Variants in PACSIN2 observed in about 807,000 individuals in gnomAD.
PACSIN2 encodes protein kinase C and casein kinase substrate in neurons 2.
Under a neutral mutation model 63.8 loss-of-function variants are expected in PACSIN2, and 25 were observed. That is an observed-to-expected ratio of 0.39 (90% CI 0.29 to 0.55). The LOEUF is 0.55. PACSIN2 is among the 20% of genes least tolerant of loss of function. The probability of loss-of-function intolerance (pLI) is 0.62; values close to 1 mark genes in which losing one functional copy is unlikely to be tolerated. For synonymous variants in PACSIN2, 255 were observed against 256.2 expected (o/e 1.00, Z 0.05); for missense variants, 518 against 646.9 (o/e 0.80, Z 2.16).
chr22:42,906,494 G>A (rs1931083157), intron 2 of PACSIN2, among the ~76,000 whole-genome samples: 1 of 152,232 alleles, frequency 6.6e-6, no homozygotes, highest in Non-Finnish European at 1.5e-5. Context: ...GACAAAGGCA[G>A]CCCACACGTC....
At chr22:42,970,578 T>C (rs1038960931) in intron 1 of PACSIN2, among the ~76,000 whole-genome samples, 3 of 152,200 alleles carry the variant, frequency 2.0e-5, no homozygotes, top group African/African-American at 7.2e-5. Flanking sequence ...ATAGAATTCT[T>C]GTAAAATAAA....
chr22:42,884,861 C>T lies in PACSIN2; in HGVS notation c.610-300G>A, dbSNP rs116634802. ...TGAGCGTGCCACACGCCCATGTCCT[C>T]TTCTCCCTGTGGGGAAGGGCTGTGC... On this transcript the variant is annotated intron_variant, in intron 5 of 10. Transcript: ENST00000263246. Among the ~76,000 whole-genome samples the T allele has an allele frequency of 5.8e-3, 887 of 152,372 alleles. 8 individuals carry two copies. Among genetic ancestry groups the T allele is most frequent in the African/African-American group, 0.02 (814 of 41,588 alleles).
chr22:42,967,106 C>T (rs955900170), intron 1 of PACSIN2, among the ~76,000 whole-genome samples: 14 of 94,088 alleles, frequency 1.5e-4, no homozygotes, highest in African/African-American at 5.9e-4. Flanking sequence ...ACAGGTGCTC[C>T]GTAACAGAAA....
intron 1 of PACSIN2, among the ~76,000 whole-genome samples, chr22:42,975,265 A>G (rs1284391463): frequency 6.6e-6 from 1 of 152,128 alleles, no homozygotes; most frequent in Non-Finnish European, 1.5e-5. Flanking sequence ...TCCATTAGAG[A>G]AAGTCCCCAT....
intron 1 of PACSIN2, among the ~76,000 whole-genome samples, chr22:42,981,826 G>A (rs1351095142): frequency 2.4e-5 from 3 of 123,832 alleles, no homozygotes; most frequent in Non-Finnish European, 3.5e-5. Flanking sequence ...AGGGAGGTGG[G>A]GGGTCAGCCC....
intron 1 of PACSIN2, among the ~76,000 whole-genome samples, chr22:42,981,613 T>A (rs1356973263): frequency 9.3e-5 from 10 of 107,744 alleles, no homozygotes; most frequent in East Asian, 3.5e-4. Context: ...TGAGGACCCC[T>A]CTGCCCGGCC....
intron 1 of PACSIN2, among the ~76,000 whole-genome samples, chr22:42,962,350 G>A (rs58894654): frequency 0.026 from 3,889 of 152,078 alleles, 164 homozygotes; most frequent in African/African-American, 0.09. Flanking sequence ...TAGCTCTTTG[G>A]GGGTAAGCAT....
intron 2 of PACSIN2, among the ~76,000 whole-genome samples, chr22:42,903,438 C>G (rs981202092): frequency 1.3e-5 from 2 of 152,202 alleles, no homozygotes; most frequent in African/African-American, 2.4e-5. Context: ...TTTGAAAACA[C>G]CAAAGAGTAA....
chr22:42,972,064 G>GA (rs1555940459), intron 1 of PACSIN2, among the ~76,000 whole-genome samples: 1 of 151,876 alleles, frequency 6.6e-6, no homozygotes, highest in Non-Finnish European at 1.5e-5. Context: ...TTGTCCAATG[G>GA]GGGGGGGAAA....
chr22:42,874,004 G>T (rs1194128772), intron 10 of PACSIN2, among the ~76,000 whole-genome samples: 1 of 152,042 alleles, frequency 6.6e-6, no homozygotes, highest in Non-Finnish European at 1.5e-5. Flanking sequence ...TGGCCAGGCT[G>T]GTCTCAAACT....
intron 7 of PACSIN2, among the ~76,000 whole-genome samples, chr22:42,881,450 G>C (rs1329071727): frequency 6.6e-6 from 1 of 152,202 alleles, no homozygotes; most frequent in East Asian, 1.9e-4. Context: ...GCTGAGTCGG[G>C]GAAGCCACGA....
chr22:42,983,499 A>AAAC (rs34290515), intron 1 of PACSIN2, among the ~76,000 whole-genome samples: 45,081 of 145,846 alleles, frequency 0.31, 8,963 homozygotes, highest in Non-Finnish European at 0.42. Flanking sequence ...CAAAAAAAAA[A>AAAC]AAAAAAAAAC....
chr22:42,920,013 T>A (rs926376560), intron 1 of PACSIN2, among the ~76,000 whole-genome samples: 1 of 149,456 alleles, frequency 6.7e-6, no homozygotes, highest in African/African-American at 2.5e-5. Flanking sequence ...GAAGCTGAGG[T>A]GGGAGGATCA....
chr22:42,917,197 C>A (rs1433363092), intron 1 of PACSIN2, among the ~76,000 whole-genome samples: 1 of 152,206 alleles, frequency 6.6e-6, no homozygotes, highest in Non-Finnish European at 1.5e-5. Context: ...TTGGAGCTTG[C>A]CCAAGCAGCG....
chr22:42,916,902 T>C (rs1292180160), intron 1 of PACSIN2, among the ~76,000 whole-genome samples: 1 of 152,186 alleles, frequency 6.6e-6, no homozygotes, highest in Non-Finnish European at 1.5e-5. Flanking sequence ...TACTCGGAAA[T>C]GTTGGTGACT....
At chr22:42,972,377 G>A (rs1001225975) in intron 1 of PACSIN2, among the ~76,000 whole-genome samples, 4 of 152,162 alleles carry the variant, frequency 2.6e-5, no homozygotes, top group Admixed American at 1.3e-4. Flanking sequence ...GCGGAAGGCC[G>A]CAGGGTCCTC....
At position 42,871,101 on chromosome 22, in the gene PACSIN2, C is replaced by T; in HGVS notation, c.*256G>A. On this transcript the variant is annotated 3_prime_UTR_variant, in exon 11 of 11. Transcript: ENST00000263246. This position sits in a 1 kb window ranked among gnomAD's most constrained non-coding sequence, Gnocchi z 5.4. ...AAGAACATAGAGATCTATGATAGGC[C>T]AACAGGCACAGTGGGCGGGGAGGGG... The T allele has an allele frequency of 1.9e-6, 1 of 535,666 alleles. No homozygotes were observed. The highest frequency in any genetic ancestry group is 3.4e-6 in the Non-Finnish European group (1 of 296,116). The allele number at this position is 535,666 out of a possible 1,614,324, so 33.2% of individuals were successfully genotyped here. A position where few individuals can be genotyped will look rare whatever the true frequency, so the allele number is the denominator to read the frequency against.
chr22:42,883,728 A>T (rs975573691), intron 6 of PACSIN2, among the ~76,000 whole-genome samples: 1 of 152,244 alleles, frequency 6.6e-6, no homozygotes, highest in Admixed American at 6.5e-5. Context: ...AGCTGCGGCC[A>T]GGTGCGGTGG....
Position 42,882,138 on chromosome 22 carries a change from G to C in PACSIN2, c.906+46C>G, listed in dbSNP as rs760511481. 3 of 1,606,180 alleles carry C rather than the reference G, an allele frequency of 1.9e-6. No homozygotes were observed. The African/African-American group carries it at 4.0e-5, about 21-fold the overall frequency. On this transcript the variant is annotated intron_variant, in intron 7 of 10. Transcript: ENST00000263246. ...ATCATCTAGCAACTCTGTGGGCCCA[G>C]GTCCTCTTCCAGGCTGATGAGCTCA...
Sources: allele counts gnomAD v4.1 joint callset (sites outside exome capture counted in the v4.1 genomes callset), GRCh38; gene constraint gnomAD v4.1.1; non-coding constraint Gnocchi (gnomAD v3.1); transcripts MANE v1.5; gene names NCBI Gene and HGNC (gene_info 2026-07-23, HGNC 2026-07-21).